DPH6: variants seen among roughly 807,000 people sequenced by gnomAD.
DPH6 encodes diphthamine biosynthesis 6.
In DPH6, 33 loss-of-function variants were observed where a neutral mutation model predicts 38.2. The observed-to-expected ratio is 0.86, with a 90% confidence interval of 0.65 to 1.15. The LOEUF (loss-of-function observed/expected upper bound fraction) is 1.15, where lower values mean the gene tolerates loss of function less well. Ranked by LOEUF, DPH6 falls within the 50% of genes most tolerant of loss-of-function variation. The pLI, the probability that DPH6 is intolerant of heterozygous loss-of-function variation, is 0.00. For synonymous variants in DPH6, 108 were observed against 103.0 expected (o/e 1.05, Z -0.30); for missense variants, 325 against 320.0 (o/e 1.02, Z -0.12).
chr15:35,200,737 G>GA, the DPH6 span, among the ~76,000 whole-genome samples: 1 of 151,080 alleles, frequency 6.6e-6, no homozygotes, highest in Non-Finnish European at 1.5e-5. Flanking sequence ...ATTAAAAAAA[G>GA]AAAAAAATAA....
chr15:35,489,023 C>T (rs1166625463), intron 3 of DPH6, among the ~76,000 whole-genome samples: 2 of 152,144 alleles, frequency 1.3e-5, no homozygotes, highest in African/African-American at 4.8e-5. Context: ...TATCTATTTA[C>T]CACTCACTAT....
intron 3 of DPH6, among the ~76,000 whole-genome samples, chr15:35,231,134 C>T (rs2051514555): frequency 6.6e-6 from 1 of 152,180 alleles, no homozygotes; most frequent in Admixed American, 6.5e-5. Flanking sequence ...TATTTGGAGC[C>T]CCAGAGCACT....
chr15:35,185,084 GA>G, the DPH6 span, among the ~76,000 whole-genome samples: 16 of 148,270 alleles, frequency 1.1e-4, no homozygotes, highest in Middle Eastern at 3.6e-3. Context: ...TCCAATGTGG[GA>G]AAAAAAAAAC....
At chr15:35,485,331 TTAA>T (rs1266402061) in intron 3 of DPH6, among the ~76,000 whole-genome samples, 107 of 152,354 alleles carry the variant, frequency 7.0e-4, no homozygotes, top group African/African-American at 2.5e-3. Context: ...TGTTGTTTTA[TTAA>T]TGTTTAAATC....
At chr15:35,256,302 GACGGTGACTGT>G (rs1157557949) in intron 3 of DPH6, among the ~76,000 whole-genome samples, 12 of 152,192 alleles carry the variant, frequency 7.9e-5, no homozygotes, top group Admixed American at 3.9e-4. Context: ...AGGCTCCTTT[GACGGTGACTGT>G]TTCTGAGTTT....
chr15:35,340,334 T>G (rs2052411051), intron 3 of DPH6, among the ~76,000 whole-genome samples: 1 of 152,206 alleles, frequency 6.6e-6, no homozygotes, highest in Non-Finnish European at 1.5e-5. Context: ...TTTGTCCAAC[T>G]TGCCATTCTG....
chr15:35,316,770 G>C (rs1453713188), intron 3 of DPH6, among the ~76,000 whole-genome samples: 1 of 152,084 alleles, frequency 6.6e-6, no homozygotes, highest in Non-Finnish European at 1.5e-5. Context: ...CAGTAAAACT[G>C]ATGAAAACCA....
Position 35,373,578 on chromosome 15 carries a change from A to G in DPH6, c.693T>C (p.Ala231=), listed in dbSNP as rs143412556. The G allele has an allele frequency of 3.0e-4, 481 of 1,609,322 alleles. No homozygotes were observed. In the African/African-American group the frequency reaches 6.0e-3, roughly 20 times the overall value. Residue 231 remains alanine (A), a synonymous_variant, in exon 8 of 9, where the codon GCT becomes GCC. Transcript: ENST00000256538. Reference sequence around the variant, plus strand: ...GATAAGCCACAGGTGCAAATGCATCAGCTGAATGTATGACTACTTCTGATG... The same window carrying G: ...GATAAGCCACAGGTGCAAATGCATCGGCTGAATGTATGACTACTTCTGATG... The part of the protein sequence containing the change: ...VDSSEVVIHS[A]DAFAPVAYLR...
intron 3 of DPH6, among the ~76,000 whole-genome samples, chr15:35,525,431 A>AC (rs1196053338): frequency 2.6e-5 from 4 of 152,024 alleles, no homozygotes; most frequent in Non-Finnish European, 5.9e-5. Context: ...CTCAGGATCT[A>AC]CCTCATGTGA....
At chr15:35,187,449 C>G in the DPH6 span, among the ~76,000 whole-genome samples, 2 of 152,210 alleles carry the variant, frequency 1.3e-5, no homozygotes, top group African/African-American at 4.8e-5. Context: ...ATGAACTGAA[C>G]AGATTTTTTT....
rs376980823 is a variant in DPH6 at position 35,353,800 on chromosome 15, C to T, written n.207+19721G>A. ...TTCCATATGAACTTTAAAGTAGTTTCTTCCAATTCTGTGAAGAAAGTCATT... is the reference window on the plus strand; with the variant it reads ...TTCCATATGAACTTTAAAGTAGTTTTTTCCAATTCTGTGAAGAAAGTCATT... On this transcript the variant is annotated intron_variant and non_coding_transcript_variant, in intron 3 of 3. Transcript: ENST00000558973. 6.5e-4 allele frequency among the ~76,000 whole-genome samples: 99 copies of T among 152,080 alleles called. 1 individual carries two copies. The Middle Eastern group carries it at 0.017, about 26-fold the overall frequency.
intron 3 of DPH6, among the ~76,000 whole-genome samples, chr15:35,515,319 T>G (rs2054830304): frequency 6.6e-6 from 1 of 152,030 alleles, no homozygotes; most frequent in Admixed American, 6.6e-5. Flanking sequence ...AGGGGCTGGG[T>G]ATGGCGGGTC....
chr15:35,232,405 C>A (rs1195566698), intron 3 of DPH6, among the ~76,000 whole-genome samples: 2 of 152,004 alleles, frequency 1.3e-5, no homozygotes, highest in African/African-American at 4.8e-5. Context: ...CATGGTGAAA[C>A]CCTGTCTCCA....
intron 2 of DPH6, 143 bp downstream of exon 2, chr15:35,542,270 C>T: frequency 3.4e-6 from 2 of 594,896 alleles, no homozygotes. Flanking sequence ...ATGCTAAGTT[C>T]TAGGTGGAAA....
chr15:35,353,526 T>G (rs2052533814), intron 3 of DPH6, among the ~76,000 whole-genome samples: 1 of 152,240 alleles, frequency 6.6e-6, no homozygotes. Context: ...GCACCATTTG[T>G]TAAATAGGGA....
At chr15:35,470,606 TGACTTACACAG>T (rs773951899) in intron 3 of DPH6, among the ~76,000 whole-genome samples, 120 of 152,166 alleles carry the variant, frequency 7.9e-4, no homozygotes, top group Non-Finnish European at 1.5e-3. Flanking sequence ...AAAAGTAGCG[TGACTTACACAG>T]GTTCACAAAA....
intron 3 of DPH6, among the ~76,000 whole-genome samples, chr15:35,506,091 T>G (rs1377329221): frequency 6.6e-6 from 1 of 152,136 alleles, no homozygotes; most frequent in African/African-American, 2.4e-5. Flanking sequence ...GGAAAAAACT[T>G]ATCATGTAAA....
At chr15:35,402,112 A>AT (rs1432664491) in intron 6 of DPH6, among the ~76,000 whole-genome samples, 1 of 152,168 alleles carries the variant, frequency 6.6e-6, no homozygotes, top group Non-Finnish European at 1.5e-5. Context: ...TTTTTAAAAA[A>AT]CGTGTTGTGT....
chr15:35,145,735 G>A, the DPH6 span, among the ~76,000 whole-genome samples: 1 of 152,090 alleles, frequency 6.6e-6, no homozygotes, highest in Non-Finnish European at 1.5e-5. Context: ...AAGTTCTGGG[G>A]TAGTAACCTT....
Sources: allele counts gnomAD v4.1 joint callset (sites outside exome capture counted in the v4.1 genomes callset), GRCh38; gene constraint gnomAD v4.1.1; transcripts MANE v1.5; gene names NCBI Gene and HGNC (gene_info 2026-07-23, HGNC 2026-07-21).